LRMDA: variants seen among roughly 807,000 people sequenced by gnomAD.
LRMDA encodes the protein leucine-rich melanocyte differentiation-associated protein.
Under a neutral mutation model 29.8 loss-of-function variants are expected in LRMDA, and 18 were observed. The ratio of observed to expected loss-of-function variants is 0.60; its 90% CI spans 0.42 to 0.90. The LOEUF (loss-of-function observed/expected upper bound fraction) is 0.90, where lower values mean the gene tolerates loss of function less well. Ranked by LOEUF, LRMDA falls within the 40% of genes least tolerant of loss-of-function variation. The pLI, the probability that LRMDA is intolerant of heterozygous loss-of-function variation, is 0.00. For missense variants in LRMDA, 273 were observed against 273.9 expected (o/e 1.00, Z 0.02); for synonymous variants, 125 against 109.4 (o/e 1.14, Z -0.89).
intron 5 of LRMDA, among the ~76,000 whole-genome samples, chr10:76,121,763 TAA>T (rs1325436921): frequency 6.6e-6 from 1 of 152,200 alleles, no homozygotes; most frequent in East Asian, 1.9e-4. Flanking sequence ...GGGAGCTCCC[TAA>T]AGACAGGAAT....
At chr10:75,608,735 C>T (rs1840991676) in intron 2 of LRMDA, among the ~76,000 whole-genome samples, 1 of 152,156 alleles carries the variant, frequency 6.6e-6, no homozygotes. Context: ...TGTGAGCCTG[C>T]AACTGTGAAG....
intron 6 of LRMDA, among the ~76,000 whole-genome samples, chr10:76,394,615 C>T (rs952498906): frequency 6.6e-6 from 1 of 152,078 alleles, no homozygotes; most frequent in Admixed American, 6.6e-5. Flanking sequence ...TTCTGGAGGG[C>T]AGTTGATTCC....
chr10:75,664,728 C>G (rs1315552834), intron 2 of LRMDA, among the ~76,000 whole-genome samples: 1 of 152,172 alleles, frequency 6.6e-6, no homozygotes, highest in Non-Finnish European at 1.5e-5. Flanking sequence ...GCCTGAAACA[C>G]TGTGGCAGGA....
At chr10:76,226,487 G>A (rs1462527046) in intron 5 of LRMDA, among the ~76,000 whole-genome samples, 1 of 152,124 alleles carries the variant, frequency 6.6e-6, no homozygotes, top group Non-Finnish European at 1.5e-5. Flanking sequence ...GGAGGCTGAG[G>A]CAGGAGAATT....
At chr10:76,103,776 C>A (rs1176122707) in intron 5 of LRMDA, among the ~76,000 whole-genome samples, 1 of 152,168 alleles carries the variant, frequency 6.6e-6, no homozygotes, top group African/African-American at 2.4e-5. Context: ...TCCGGCCAGA[C>A]ATAGTGGCTC....
At chr10:76,141,928 A>G (rs1850209053) in intron 5 of LRMDA, among the ~76,000 whole-genome samples, 1 of 151,980 alleles carries the variant, frequency 6.6e-6, no homozygotes, top group African/African-American at 2.4e-5. Flanking sequence ...TCTAACTTCC[A>G]CTGGATATCC....
At chr10:75,541,433 A>AT (rs1840014289) in intron 2 of LRMDA, among the ~76,000 whole-genome samples, 1 of 135,182 alleles carries the variant, frequency 7.4e-6, no homozygotes, top group Admixed American at 7.7e-5. Context: ...AGCAGAGACT[A>AT]TTTTTCCCAG....
At chr10:76,503,765 T>G (rs972467186) in intron 6 of LRMDA, among the ~76,000 whole-genome samples, 14 of 151,784 alleles carry the variant, frequency 9.2e-5, no homozygotes, top group Admixed American at 9.2e-4. Flanking sequence ...TTGTTTATTC[T>G]TTTGAAGATC....
chr10:75,950,062 G>A (rs1196839528), intron 2 of LRMDA, among the ~76,000 whole-genome samples: 3 of 152,208 alleles, frequency 2.0e-5, no homozygotes, highest in Admixed American at 1.3e-4. Flanking sequence ...TCCTTGCCAA[G>A]ACGGCAAAAT....
chr10:75,961,664 C>T (rs754335281), intron 2 of LRMDA, among the ~76,000 whole-genome samples: 3 of 152,126 alleles, frequency 2.0e-5, no homozygotes, highest in South Asian at 2.1e-4. Flanking sequence ...GATGGGGAAA[C>T]GGGGACTGGG....
At chr10:75,948,064 C>T (rs1846507489) in intron 2 of LRMDA, among the ~76,000 whole-genome samples, 1 of 152,208 alleles carries the variant, frequency 6.6e-6, no homozygotes. Flanking sequence ...TGCAGACACT[C>T]ACATGCCCAC....
chr10:75,624,203 T>C (rs1186752806), intron 2 of LRMDA, among the ~76,000 whole-genome samples: 2 of 152,182 alleles, frequency 1.3e-5, no homozygotes, highest in Non-Finnish European at 2.9e-5. Context: ...TTTCTGGATC[T>C]TGGTTGTCGA....
At chr10:76,005,416 CT>C (rs1389603535) in intron 2 of LRMDA, among the ~76,000 whole-genome samples, 1 of 152,128 alleles carries the variant, frequency 6.6e-6, no homozygotes, top group African/African-American at 2.4e-5. Flanking sequence ...ACATAGCTAT[CT>C]TGTACCATCC....
At chr10:76,404,306 C>T (rs1564531950) in intron 6 of LRMDA, among the ~76,000 whole-genome samples, 1 of 152,122 alleles carries the variant, frequency 6.6e-6, no homozygotes, top group Non-Finnish European at 1.5e-5. Flanking sequence ...GAGTGTTTCA[C>T]ATTCCCCAAA....
chr10:76,072,032 A>G (rs1375773634), intron 5 of LRMDA, among the ~76,000 whole-genome samples: 1 of 152,222 alleles, frequency 6.6e-6, no homozygotes, highest in East Asian at 1.9e-4. Context: ...ACGCAATAAA[A>G]CATAAACCTT....
chr10:75,999,984 C>T (rs1365878300), intron 2 of LRMDA, among the ~76,000 whole-genome samples: 2 of 152,162 alleles, frequency 1.3e-5, no homozygotes, highest in Non-Finnish European at 2.9e-5. Flanking sequence ...ACTTGCTAAC[C>T]TGTGAGCTTA....
chr10:76,161,567 C>T (rs1246702883), intron 5 of LRMDA, among the ~76,000 whole-genome samples: 1 of 152,220 alleles, frequency 6.6e-6, no homozygotes, highest in African/African-American at 2.4e-5. Context: ...AATACATTGT[C>T]ATATGACATA....
chr10:76,456,320 A>T (rs746652916), intron 6 of LRMDA, among the ~76,000 whole-genome samples: 17 of 152,168 alleles, frequency 1.1e-4, no homozygotes, highest in Non-Finnish European at 2.1e-4. Flanking sequence ...AAGTTTTATC[A>T]TGGAGGCCAA....
intron 6 of LRMDA, among the ~76,000 whole-genome samples, chr10:76,329,569 A>G (rs1268533333): frequency 6.6e-6 from 1 of 152,194 alleles, no homozygotes; most frequent in African/African-American, 2.4e-5. Flanking sequence ...TACTTTGACT[A>G]TTGTTGGCAA....
Sources: allele counts gnomAD v4.1 joint callset (sites outside exome capture counted in the v4.1 genomes callset), GRCh38; gene constraint gnomAD v4.1.1; transcripts MANE v1.5; gene names NCBI Gene and HGNC (gene_info 2026-07-23, HGNC 2026-07-21).